The following RORA variants were observed in gnomAD, a reference collection of about 807,000 sequenced individuals.
RORA encodes the protein RAR related orphan receptor A.
In RORA, 7 loss-of-function variants were observed where a neutral mutation model predicts 69.5. The ratio of observed to expected loss-of-function variants is 0.10; its 90% confidence interval spans 0.06 to 0.19. The LOEUF is 0.19. RORA is among the 10% of genes least tolerant of loss of function. The pLI is 1.00. For synonymous variants in RORA, 261 were observed against 240.8 expected (o/e 1.08, Z -0.78); for missense variants, 457 against 663.0 (o/e 0.69, Z 3.41).
intron 1 of RORA, among the ~76,000 whole-genome samples, chr15:60,974,658 T>C (rs1893825858): frequency 6.6e-6 from 1 of 152,174 alleles, no homozygotes; most frequent in Non-Finnish European, 1.5e-5. Context: ...CCAGGTTCCT[T>C]GTAAGCGGAC....
intron 1 of RORA, among the ~76,000 whole-genome samples, chr15:61,048,675 T>C (rs1566963341): frequency 6.6e-6 from 1 of 152,176 alleles, no homozygotes; most frequent in South Asian, 2.1e-4. Flanking sequence ...TCAGGACACT[T>C]TGACGTCGAG....
chr15:61,047,388 T>A (rs978974213), intron 1 of RORA, among the ~76,000 whole-genome samples: 2 of 152,208 alleles, frequency 1.3e-5, no homozygotes, highest in Non-Finnish European at 2.9e-5. Context: ...TATACTCACA[T>A]TTTTCCTGAA....
At chr15:60,776,950 C>T (rs1243477032) in intron 1 of RORA, among the ~76,000 whole-genome samples, 3 of 152,278 alleles carry the variant, frequency 2.0e-5, no homozygotes, top group Middle Eastern at 6.8e-3. Flanking sequence ...TGTCTTCTCT[C>T]TGCAGAAATA....
At chr15:60,670,767 T>C (rs545670103) in intron 2 of RORA, among the ~76,000 whole-genome samples, 1 of 152,112 alleles carries the variant, frequency 6.6e-6, no homozygotes, top group Non-Finnish European at 1.5e-5. Context: ...GATGTGGATG[T>C]CAATTATAAT....
chr15:60,798,251 CACACACACACACACA>C (rs765750612), intron 1 of RORA, among the ~76,000 whole-genome samples: 1 of 149,380 alleles, frequency 6.7e-6, no homozygotes, highest in Non-Finnish European at 1.5e-5. Context: ...CACACACACA[CACACACACACACACA>C]CACCACCTGC....
chr15:60,702,082 G>C (rs1454160285), intron 1 of RORA, among the ~76,000 whole-genome samples: 2 of 152,214 alleles, frequency 1.3e-5, no homozygotes, highest in Non-Finnish European at 2.9e-5. Flanking sequence ...AGCACAGGCA[G>C]ATGATGGAGT....
intron 1 of RORA, among the ~76,000 whole-genome samples, chr15:60,885,655 A>G (rs1019789694): frequency 6.6e-6 from 1 of 152,252 alleles, no homozygotes; most frequent in African/African-American, 2.4e-5. Flanking sequence ...TATTTCAGAT[A>G]GATTGATCGA....
chr15:60,550,462 A>C (rs555641769), intron 2 of RORA, among the ~76,000 whole-genome samples: 37 of 152,364 alleles, frequency 2.4e-4, no homozygotes, highest in Middle Eastern at 3.4e-3. Context: ...TTTCTCCTTT[A>C]AGTGGTCACC....
At chr15:60,683,971 A>G (rs922906041) in intron 1 of RORA, among the ~76,000 whole-genome samples, 2 of 152,250 alleles carry the variant, frequency 1.3e-5, no homozygotes, top group African/African-American at 4.8e-5. Context: ...AGAGCACTTC[A>G]GGAATGTAAG....
rs544979893 is a variant in RORA, at chr15:60,576,249, G to A, written c.197-44398C>T. ...CTAATAAAACTATGCTGGGAGCAACGTATCCCAGTGTTCTGAGACTGATTT... is the reference window on the plus strand; with the variant it reads ...CTAATAAAACTATGCTGGGAGCAACATATCCCAGTGTTCTGAGACTGATTT... On this transcript the variant is annotated intron_variant, in intron 2 of 10. Transcript: ENST00000335670. Among the ~76,000 whole-genome samples, 221 of 152,190 alleles carry A rather than the reference G, an allele frequency of 1.5e-3. 1 individual carries two copies. Among genetic ancestry groups the A allele is most frequent in the South Asian group, 9.4e-3 (45 of 4,812 alleles).
At chr15:60,935,587 AG>A (rs1892497014) in intron 1 of RORA, among the ~76,000 whole-genome samples, 2 of 152,372 alleles carry the variant, frequency 1.3e-5, no homozygotes, top group African/African-American at 4.8e-5. Context: ...ACAGAAAATC[AG>A]GTCATTGTCG....
chr15:60,744,837 G>C (rs948213976), intron 1 of RORA, among the ~76,000 whole-genome samples: 1 of 152,174 alleles, frequency 6.6e-6, no homozygotes, highest in African/African-American at 2.4e-5. Context: ...CTCTGAGTCG[G>C]GAGCCAGGGA....
chr15:61,101,920 G>A (rs896550425), intron 1 of RORA, among the ~76,000 whole-genome samples: 2 of 152,058 alleles, frequency 1.3e-5, no homozygotes, highest in East Asian at 1.9e-4. Flanking sequence ...AGACAGAGGT[G>A]CAATGTGTGC....
At chr15:60,797,125 C>T (rs538396302) in intron 1 of RORA, among the ~76,000 whole-genome samples, 2 of 149,090 alleles carry the variant, frequency 1.3e-5, no homozygotes, top group African/African-American at 4.9e-5. Flanking sequence ...TAGTGGTTGC[C>T]AGTGGCAGAA....
rs2140479028 is a variant in RORA, at chr15:60,579,531, T to G, written c.197-47680A>C. Among the ~76,000 whole-genome samples, 3 of 152,310 alleles carry G rather than the reference T, an allele frequency of 2.0e-5. No homozygotes were observed. In the South Asian group the frequency reaches 6.2e-4, roughly 32 times the overall value. ...GTATAGAACAAAGAAATTACAGTAC[T>G]GTTGATTTCATCAGCATTTTCTCCT... On this transcript the variant is annotated intron_variant, in intron 2 of 10. Transcript: ENST00000335670.
intron 1 of RORA, among the ~76,000 whole-genome samples, chr15:60,948,635 G>GA (rs201849301): frequency 0.01 from 1,572 of 152,246 alleles, 16 homozygotes; most frequent in South Asian, 0.042. Flanking sequence ...TTTTAAAGAT[G>GA]AAAAAACTGA....
At chr15:60,845,528 G>C (rs2073254886) in intron 1 of RORA, among the ~76,000 whole-genome samples, 1 of 152,164 alleles carries the variant, frequency 6.6e-6, no homozygotes, top group Non-Finnish European at 1.5e-5. Context: ...GTGCCGATTG[G>C]AAGCTTTACA....
intron 6 of RORA, among the ~76,000 whole-genome samples, chr15:60,505,049 CA>C (rs1375897539): frequency 1.3e-5 from 2 of 152,210 alleles, no homozygotes; most frequent in East Asian, 3.9e-4. Context: ...TTGCTAGGTT[CA>C]GACTGGAGTT....
intron 2 of RORA, among the ~76,000 whole-genome samples, chr15:60,628,568 A>C (rs1313825229): frequency 6.6e-6 from 1 of 152,204 alleles, no homozygotes; most frequent in Non-Finnish European, 1.5e-5. Context: ...GGGTCTTGCC[A>C]TCTTGCCAGG....
Sources: allele counts gnomAD v4.1 joint callset (sites outside exome capture counted in the v4.1 genomes callset), GRCh38; gene constraint gnomAD v4.1.1; transcripts MANE v1.5; gene names NCBI Gene and HGNC (gene_info 2026-07-23, HGNC 2026-07-21).